The following EFCAB6 variants were observed in gnomAD, a reference collection of about 807,000 sequenced individuals.
EFCAB6 encodes the protein EF-hand calcium-binding domain-containing protein 6.
In EFCAB6, 156 loss-of-function variants were observed where a neutral mutation model predicts 169.8. The observed-to-expected ratio is 0.92, with a 90% confidence interval of 0.81 to 1.05. The LOEUF (loss-of-function observed/expected upper bound fraction) is 1.05, where lower values mean the gene tolerates loss of function less well. Ranked by LOEUF, EFCAB6 falls within the 50% of genes least tolerant of loss-of-function variation. The probability of loss-of-function intolerance (pLI) is 0.00; values close to 1 mark genes in which losing one functional copy is unlikely to be tolerated. For synonymous variants in EFCAB6, 698 were observed against 676.4 expected (o/e 1.03, Z -0.50); for missense variants, 1,800 against 1,829.1 (o/e 0.98, Z 0.29).
chr22:43,791,157 C>T (rs907249557), intron 2 of EFCAB6, among the ~76,000 whole-genome samples: 19 of 152,122 alleles, frequency 1.2e-4, no homozygotes, highest in African/African-American at 4.6e-4. Context: ...GCAGATTGCT[C>T]GAGCTCAAGA....
intron 28 of EFCAB6, among the ~76,000 whole-genome samples, chr22:43,538,397 T>TTTTTG (rs1569121948): frequency 5.9e-5 from 9 of 152,102 alleles, no homozygotes; most frequent in Non-Finnish European, 8.8e-5. Context: ...TTTTGTTTTT[T>TTTTTG]TTTTTGTTTT....
intron 26 of EFCAB6, among the ~76,000 whole-genome samples, chr22:43,560,590 G>A (rs541764475): frequency 6.6e-6 from 1 of 152,360 alleles, no homozygotes; most frequent in South Asian, 2.1e-4. Context: ...CTGGGACATG[G>A]CCCTGGTTGG....
Position 43,782,230 on chromosome 22 carries a change from C to CCCA in EFCAB6, c.88_89insTGG (p.Cys30delinsLeuGly), listed in dbSNP as rs1393953355. The CCCA allele has an allele frequency of 6.2e-7, 1 of 1,613,940 alleles. No individual in the cohort carries two copies. Among genetic ancestry groups the CCCA allele is most frequent in the Non-Finnish European group, 8.5e-7 (1 of 1,179,962 alleles). On this transcript the variant is annotated protein_altering_variant, in exon 3 of 32. Coordinates refer to ENST00000262726, the MANE Select transcript of EFCAB6 (RefSeq NM_022785.4). ...GGAACCATTCCTTGAATATACTCTA[C>CCCA]ACGGTGAAGAATGGGGTCTTGAATG...
At chr22:43,664,182 G>A (rs761806125) in intron 17 of EFCAB6, among the ~76,000 whole-genome samples, 47 of 152,228 alleles carry the variant, frequency 3.1e-4, no homozygotes, top group Non-Finnish European at 5.7e-4. Flanking sequence ...GAAGAGCACA[G>A]GGGTTGGAGG....
At chr22:43,573,704 C>T (rs1482783167) in intron 26 of EFCAB6, among the ~76,000 whole-genome samples, 1 of 142,928 alleles carries the variant, frequency 7.0e-6, no homozygotes, top group Non-Finnish European at 1.5e-5. Context: ...GCACTCCAGC[C>T]TGGGCAACAA....
intron 26 of EFCAB6, among the ~76,000 whole-genome samples, chr22:43,574,148 C>A (rs1052906611): frequency 2.0e-5 from 3 of 151,870 alleles, no homozygotes; most frequent in Non-Finnish European, 4.4e-5. Flanking sequence ...AAAAAAAATC[C>A]TAAATGCTTA....
At chr22:43,737,373 C>T (rs1569456799) in intron 6 of EFCAB6, among the ~76,000 whole-genome samples, 1 of 151,492 alleles carries the variant, frequency 6.6e-6, no homozygotes, top group Admixed American at 6.6e-5. Flanking sequence ...CGCACTCACA[C>T]CATCACTCAC....
In EFCAB6 at chr22:43,534,642, G is replaced by A. The variant is rs370390370; in HGVS notation, c.4233+46C>T. On this transcript the variant is annotated intron_variant, in intron 30 of 31. Coordinates refer to ENST00000262726, the MANE Select transcript of EFCAB6 (RefSeq NM_022785.4). ...TCTTGAAAAAAATAAAAATGAAAGC[G>A]CCCCTTTCCACCTGGCCCCACATTT... The A allele has an allele frequency of 4.4e-5, 67 of 1,528,874 alleles. No homozygotes were observed. The African/African-American group carries it at 6.0e-4, about 14-fold the overall frequency. The allele number at this position is 1,528,874 out of a possible 1,614,324, so 94.7% of individuals were successfully genotyped here.
chr22:43,666,972 T>C, intron 17 of EFCAB6, 132 bp downstream of exon 17: 1 of 1,209,916 alleles, frequency 8.3e-7, no homozygotes. Flanking sequence ...AAAATCCTTT[T>C]AAATTGTTGA....
intron 17 of EFCAB6, among the ~76,000 whole-genome samples, chr22:43,646,659 C>T (rs182846908): frequency 6.6e-6 from 1 of 152,274 alleles, no homozygotes; most frequent in East Asian, 1.9e-4. Flanking sequence ...ATTAATTCCA[C>T]ATGGATTAAG....
Position 43,537,279 on chromosome 22 carries a change from C to T in EFCAB6, c.4048+98G>A. On this transcript the variant is annotated intron_variant, in intron 29 of 31. Coordinates refer to ENST00000262726, the MANE Select transcript of EFCAB6 (RefSeq NM_022785.4). The surrounding 1 kb of genome is among the most constrained non-coding windows in gnomAD (Gnocchi z 4.3). Reference sequence around the variant, plus strand: ...CACCAGTTTCCTGTTCTGCTGCTCCCTGGCCTCCACCCGGGGTGTGGCTTT... The same window carrying T: ...CACCAGTTTCCTGTTCTGCTGCTCCTTGGCCTCCACCCGGGGTGTGGCTTT... 6.8e-7 allele frequency: 1 copy of T among 1,466,680 alleles called. No individual in the cohort carries two copies. The highest frequency in any genetic ancestry group is 9.3e-7 in the Non-Finnish European group (1 of 1,079,982). The allele number at this position is 1,466,680 out of a possible 1,614,324, so 90.9% of individuals were successfully genotyped here.
chr22:43,665,960 G>A (rs766325003), intron 17 of EFCAB6, among the ~76,000 whole-genome samples: 9 of 152,124 alleles, frequency 5.9e-5, no homozygotes, highest in Non-Finnish European at 8.8e-5. Flanking sequence ...GCTAATTTTC[G>A]TATTTTTAGT....
intron 2 of EFCAB6, among the ~76,000 whole-genome samples, chr22:43,793,344 T>G (rs2062379557): frequency 6.6e-6 from 1 of 152,230 alleles, no homozygotes; most frequent in Non-Finnish European, 1.5e-5. Flanking sequence ...GAGACTTCAA[T>G]TACAATATGA....
intron 10 of EFCAB6, among the ~76,000 whole-genome samples, chr22:43,691,522 G>A (rs528208373): frequency 1.3e-5 from 2 of 152,088 alleles, no homozygotes; most frequent in East Asian, 1.9e-4. Flanking sequence ...CTAGGCATGC[G>A]CTTATCTGGT....
chr22:43,549,922 T>G (rs1297302371), intron 27 of EFCAB6, among the ~76,000 whole-genome samples: 1 of 152,188 alleles, frequency 6.6e-6, no homozygotes, highest in African/African-American at 2.4e-5. Flanking sequence ...CTTGTGTATC[T>G]CAATAGATAC....
At chr22:43,623,873 T>C (rs1397402982) in intron 20 of EFCAB6, among the ~76,000 whole-genome samples, 3 of 143,542 alleles carry the variant, frequency 2.1e-5, no homozygotes, top group Non-Finnish European at 4.5e-5. Flanking sequence ...TCCGCCACTG[T>C]ACTCCAGTCT....
intron 17 of EFCAB6, among the ~76,000 whole-genome samples, chr22:43,663,818 C>T (rs2057117925): frequency 6.6e-6 from 1 of 152,198 alleles, no homozygotes; most frequent in African/African-American, 2.4e-5. Flanking sequence ...TACAGTGTAC[C>T]ACCCAGAAGA....
chr22:43,723,278 C>A (rs1184718207), intron 8 of EFCAB6, among the ~76,000 whole-genome samples: 1 of 152,120 alleles, frequency 6.6e-6, no homozygotes, highest in Non-Finnish European at 1.5e-5. Context: ...GTTGAACACA[C>A]ATGGATATAA....
At chr22:43,629,167 G>A (rs1458397160) in intron 19 of EFCAB6, among the ~76,000 whole-genome samples, 1 of 152,132 alleles carries the variant, frequency 6.6e-6, no homozygotes, top group Non-Finnish European at 1.5e-5. Flanking sequence ...TGGACTCCAG[G>A]GACAAGCTAG....
Sources: allele counts gnomAD v4.1 joint callset (sites outside exome capture counted in the v4.1 genomes callset), GRCh38; gene constraint gnomAD v4.1.1; non-coding constraint Gnocchi (gnomAD v3.1); transcripts MANE v1.5; gene names NCBI Gene and HGNC (gene_info 2026-07-23, HGNC 2026-07-21).